Variants in ACAD11 observed in about 807,000 individuals in gnomAD.
ACAD11 encodes acyl-Coenzyme A dehydrogenase family, member 11.
A neutral mutation model predicts 102.2 loss-of-function variants in ACAD11; 83 were observed. The ratio of observed to expected loss-of-function variants is 0.81; its 90% CI spans 0.68 to 0.97. ACAD11 has a LOEUF of 0.97. Among genes scored for constraint, ACAD11 ranks in the 50% least tolerant of loss-of-function variants. The pLI is 0.00. For missense variants in ACAD11, 901 were observed against 951.7 expected (o/e 0.95, Z 0.70); for synonymous variants, 324 against 319.8 (o/e 1.01, Z -0.14).
intron 1 of ACAD11, among the ~76,000 whole-genome samples, chr3:132,656,654 C>G (rs899673484): frequency 8.6e-5 from 13 of 151,978 alleles, no homozygotes. Context: ...ACCACCACAC[C>G]CAGCTAATTT....
intron 9 of ACAD11, among the ~76,000 whole-genome samples, chr3:132,620,072 G>C (rs61249633): frequency 0.063 from 9,599 of 152,224 alleles, 983 homozygotes; most frequent in African/African-American, 0.22. Flanking sequence ...CCCAAACATG[G>C]CAAGAGGGAG....
intron 13 of ACAD11, among the ~76,000 whole-genome samples, chr3:132,588,567 AT>A (rs1166338567): frequency 6.6e-6 from 1 of 152,176 alleles, no homozygotes; most frequent in Admixed American, 6.6e-5. Context: ...AATCTCCTCC[AT>A]TATTCCATAC....
intron 1 of ACAD11, among the ~76,000 whole-genome samples, chr3:132,651,028 C>T (rs1940914086): frequency 6.6e-6 from 1 of 152,180 alleles, no homozygotes; most frequent in Non-Finnish European, 1.5e-5. Context: ...AGACCCTTCA[C>T]CTCCTTGCTC....
intron 1 of ACAD11, among the ~76,000 whole-genome samples, chr3:132,656,714 G>A (rs1009450657): frequency 1.4e-4 from 21 of 151,980 alleles, no homozygotes; most frequent in Non-Finnish European, 2.8e-4. Flanking sequence ...GGCTGGTCTC[G>A]AACTCGACCT....
intron 13 of ACAD11, among the ~76,000 whole-genome samples, chr3:132,602,380 A>G (rs1938646831): frequency 6.6e-6 from 1 of 152,160 alleles, no homozygotes; most frequent in Admixed American, 6.5e-5. Context: ...CTGGGTTCCA[A>G]TTTCTTAACT....
At chr3:132,657,179 T>C (rs1340525331) in intron 1 of ACAD11, among the ~76,000 whole-genome samples, 1 of 152,222 alleles carries the variant, frequency 6.6e-6, no homozygotes, top group East Asian at 1.9e-4. Flanking sequence ...AGAGTCTAAT[T>C]TCTATTTCTT....
intron 13 of ACAD11, among the ~76,000 whole-genome samples, chr3:132,586,290 A>G (rs934396681): frequency 6.6e-6 from 1 of 152,188 alleles, no homozygotes; most frequent in African/African-American, 2.4e-5. Context: ...GAATTGAACA[A>G]TGAGAACACA....
intron 1 of ACAD11, chr3:132,654,724 G>A (rs114600142): frequency 6.6e-6 from 1 of 152,238 alleles, no homozygotes; most frequent in Admixed American, 6.5e-5. Context: ...CAGTGTGCTG[G>A]TCTCCCAGAA....
At chr3:132,611,947 A>G (rs974475706) in intron 11 of ACAD11, among the ~76,000 whole-genome samples, 1 of 152,078 alleles carries the variant, frequency 6.6e-6, no homozygotes, top group Non-Finnish European at 1.5e-5. Context: ...ACAAAGCTGG[A>G]GGCATCACGC....
At chr3:132,600,843 G>C in intron 13 of ACAD11, 1 of 1,614,028 alleles carries the variant, frequency 6.2e-7, no homozygotes, top group South Asian at 1.1e-5. Context: ...AGCCAATCAG[G>C]AGTGGGAAAA....
intron 1 of ACAD11, among the ~76,000 whole-genome samples, chr3:132,651,480 C>T (rs916332193): frequency 6.6e-6 from 1 of 152,268 alleles, no homozygotes; most frequent in East Asian, 1.9e-4. Flanking sequence ...AGGAGTTACA[C>T]CCTACACTTT....
chr3:132,656,105 T>C (rs1362314451), intron 1 of ACAD11, among the ~76,000 whole-genome samples: 3 of 152,226 alleles, frequency 2.0e-5, no homozygotes, highest in South Asian at 4.1e-4. Context: ...TCTCTGTATA[T>C]AATATACTGT....
At chr3:132,649,053 T>C (rs143988018) in intron 1 of ACAD11, among the ~76,000 whole-genome samples, 94 of 152,326 alleles carry the variant, frequency 6.2e-4, no homozygotes, top group African/African-American at 2.1e-3. Context: ...TCATCACCAT[T>C]CTCCAGTCTC....
At chr3:132,561,078 C>T (rs1937039542) in intron 18 of ACAD11, 23 bp downstream of exon 18, 1 of 1,572,830 alleles carries the variant, frequency 6.4e-7, no homozygotes, top group African/African-American at 1.3e-5. Context: ...AGTTGGTGGT[C>T]TGAGGGGAGA....
chr3:132,652,196 G>C (rs189210515), intron 1 of ACAD11, among the ~76,000 whole-genome samples: 116 of 152,250 alleles, frequency 7.6e-4, no homozygotes, highest in East Asian at 3.7e-3. Flanking sequence ...CTGTTCTCAT[G>C]ATGGTGAATA....
At chr3:132,658,090 T>C (rs1270174184) in intron 1 of ACAD11, among the ~76,000 whole-genome samples, 1 of 152,164 alleles carries the variant, frequency 6.6e-6, no homozygotes, top group African/African-American at 2.4e-5. Context: ...CTTGAACTCC[T>C]GACCTCAAGT....
At chr3:132,563,046 TG>T (rs1184186094) in intron 17 of ACAD11, among the ~76,000 whole-genome samples, 6 of 152,250 alleles carry the variant, frequency 3.9e-5, no homozygotes. Flanking sequence ...TGCCTATCTA[TG>T]TCCAATTGCT....
chr3:132,628,281 C>T, intron 8 of ACAD11, 59 bp downstream of exon 8: 1 of 1,220,866 alleles, frequency 8.2e-7, no homozygotes, highest in East Asian at 2.4e-5. Context: ...AAGTGTATAA[C>T]CTTCACATAC....
At chr3:132,622,653 C>T (rs2107852855) in intron 9 of ACAD11, among the ~76,000 whole-genome samples, 1 of 152,116 alleles carries the variant, frequency 6.6e-6, no homozygotes, top group South Asian at 2.1e-4. Flanking sequence ...AATAAAATTC[C>T]TCATTATAAA....
Sources: allele counts gnomAD v4.1 joint callset (sites outside exome capture counted in the v4.1 genomes callset), GRCh38; gene constraint gnomAD v4.1.1; transcripts MANE v1.5; gene names NCBI Gene and HGNC (gene_info 2026-07-23, HGNC 2026-07-21).